The following NRXN1 variants were observed in gnomAD, a reference collection of about 807,000 sequenced individuals.
The protein encoded by NRXN1 is neurexin 1.
Under a neutral mutation model 150.9 loss-of-function variants are expected in NRXN1, and 39 were observed. The observed-to-expected ratio is 0.26, with a 90% CI of 0.20 to 0.34. NRXN1 has a LOEUF of 0.34. Among genes scored for constraint, NRXN1 ranks in the 10% least tolerant of loss-of-function variants. The probability of loss-of-function intolerance (pLI) is 1.00; values close to 1 mark genes in which losing one functional copy is unlikely to be tolerated. For missense variants in NRXN1, 1,815 were observed against 1,949.9 expected, an observed-to-expected ratio of 0.93 and a Z score of 1.30; for synonymous variants, 924 against 757.0, an observed-to-expected ratio of 1.22 and a Z score of -3.62.
intron 17 of NRXN1, among the ~76,000 whole-genome samples, chr2:50,275,744 T>C (rs1000744061): frequency 1.3e-5 from 2 of 152,142 alleles, no homozygotes; most frequent in African/African-American, 4.8e-5. Context: ...TAGGTAAATG[T>C]GGAAACTTTC....
chr2:50,613,641 T>C (rs1270613951), intron 8 of NRXN1, among the ~76,000 whole-genome samples: 2 of 152,108 alleles, frequency 1.3e-5, no homozygotes, highest in African/African-American at 4.8e-5. Flanking sequence ...AAATCTATCT[T>C]AAAATGATTC....
intron 5 of NRXN1, chr2:50,917,921 TA>T (rs1685449566): frequency 6.6e-6 from 1 of 151,642 alleles, no homozygotes; most frequent in Admixed American, 6.6e-5. Flanking sequence ...TCAAATCTAT[TA>T]TAAGAGTAAG....
chr2:50,528,545 G>T, intron 12 of NRXN1, 80 bp downstream of exon 12: 1 of 781,182 alleles, frequency 1.3e-6, no homozygotes, highest in Middle Eastern at 2.3e-4. Context: ...CATTTCTCTT[G>T]CTCTCTCTCT....
intron 5 of NRXN1, among the ~76,000 whole-genome samples, chr2:50,889,568 G>A (rs868822685): frequency 1.3e-5 from 2 of 151,802 alleles, no homozygotes; most frequent in African/African-American, 2.4e-5. Context: ...GTGGTATAAC[G>A]TGTACATTAT....
intron 8 of NRXN1, among the ~76,000 whole-genome samples, chr2:50,584,143 G>C (rs1382089818): frequency 6.6e-6 from 1 of 152,184 alleles, no homozygotes; most frequent in Non-Finnish European, 1.5e-5. Flanking sequence ...AGAGTGAAGA[G>C]GTTATGTCTT....
chr2:50,341,189 T>TA (rs1251014731), intron 17 of NRXN1, among the ~76,000 whole-genome samples: 2 of 152,178 alleles, frequency 1.3e-5, no homozygotes, highest in African/African-American at 4.8e-5. Context: ...TCACTTAAAT[T>TA]ATTTAGATCT....
intron 5 of NRXN1, among the ~76,000 whole-genome samples, chr2:50,756,009 A>C (rs1014146523): frequency 6.6e-6 from 1 of 151,828 alleles, no homozygotes; most frequent in African/African-American, 2.4e-5. Flanking sequence ...AGGGAACAGG[A>C]GTAGGATGGC....
intron 17 of NRXN1, among the ~76,000 whole-genome samples, chr2:50,416,134 A>T (rs1467418230): frequency 6.6e-6 from 1 of 152,106 alleles, no homozygotes; most frequent in South Asian, 2.1e-4. Flanking sequence ...GATGGGCAAT[A>T]AACAGAATAA....
intron 21 of NRXN1, chr2:50,019,331 G>T: frequency 4.2e-6 from 2 of 471,086 alleles, no homozygotes; most frequent in South Asian, 1.5e-5. Flanking sequence ...TGGTATCCTC[G>T]CTTGGAAATT....
At chr2:50,308,929 G>A (rs1443726130) in intron 17 of NRXN1, among the ~76,000 whole-genome samples, 3 of 152,102 alleles carry the variant, frequency 2.0e-5, no homozygotes, top group Non-Finnish European at 2.9e-5. Context: ...GTTGATAATC[G>A]TTAAGGTTTT....
chr2:50,472,786 C>G (rs2089631857), intron 15 of NRXN1, among the ~76,000 whole-genome samples: 1 of 135,900 alleles, frequency 7.4e-6, no homozygotes, highest in South Asian at 2.5e-4. Flanking sequence ...ATTTGCAAGC[C>G]CTACAGCCTT....
intron 5 of NRXN1, among the ~76,000 whole-genome samples, chr2:50,763,662 T>C (rs899876967): frequency 9.9e-5 from 15 of 151,896 alleles, no homozygotes; most frequent in Admixed American, 2.6e-4. Flanking sequence ...CATCAAAAGA[T>C]TCCTCTTTCT....
chr2:50,442,532 G>C (rs999941192), intron 17 of NRXN1, among the ~76,000 whole-genome samples: 1 of 152,058 alleles, frequency 6.6e-6, no homozygotes, highest in Non-Finnish European at 1.5e-5. Flanking sequence ...AGAGTGAGGA[G>C]GGAAGTACCA....
At chr2:50,683,366 C>A (rs939727505) in intron 5 of NRXN1, among the ~76,000 whole-genome samples, 1 of 151,246 alleles carries the variant, frequency 6.6e-6, no homozygotes, top group African/African-American at 2.4e-5. Flanking sequence ...GGCGCAGTGG[C>A]TTAAGCCTGT....
intron 2 of NRXN1, among the ~76,000 whole-genome samples, chr2:51,007,793 A>T (rs994363910): frequency 7.2e-5 from 11 of 151,926 alleles, no homozygotes; most frequent in Non-Finnish European, 1.6e-4. Context: ...GACAACAGCA[A>T]ATAATTATCT....
At chr2:50,502,478 A>G (rs1165775294) in intron 13 of NRXN1, among the ~76,000 whole-genome samples, 1 of 152,030 alleles carries the variant, frequency 6.6e-6, no homozygotes, top group Non-Finnish European at 1.5e-5. Context: ...ACACTCAGAC[A>G]CACAAACACA....
chr2:50,149,923 T>C (rs2058598178), intron 18 of NRXN1, among the ~76,000 whole-genome samples: 1 of 151,736 alleles, frequency 6.6e-6, no homozygotes, highest in African/African-American at 2.4e-5. Context: ...ACTGCCTGTA[T>C]GTAGCCATAT....
intron 18 of NRXN1, among the ~76,000 whole-genome samples, chr2:50,110,279 A>C (rs1011927018): frequency 2.6e-5 from 4 of 152,066 alleles, no homozygotes; most frequent in African/African-American, 9.7e-5. Context: ...TCACGAGGTC[A>C]GGAAATCGAG....
Position 50,336,419 on chromosome 2 carries a change from T to C in NRXN1, c.3365-99449A>G, listed in dbSNP as rs1034580666. 4.6e-5 allele frequency among the ~76,000 whole-genome samples: 7 copies of C among 152,350 alleles called. No individual in the cohort carries two copies. In the South Asian group the frequency reaches 8.3e-4, roughly 18 times the overall value. ...AAACGACACAATTTGATTTTTAAAA[T>C]CTTCAAGGCTTCATAATTAAGAGAC... is the stretch of plus-strand genomic sequence containing the variant. On this transcript the variant is annotated intron_variant, in intron 17 of 22. Coordinates refer to ENST00000401669, the MANE Select transcript of NRXN1 (RefSeq NM_001330078.2).
Sources: gnomAD v4.1 joint callset for allele counts (sites outside exome capture counted in the v4.1 genomes callset) on GRCh38, gnomAD v4.1.1 for gene constraint, MANE v1.5 for transcripts, NCBI Gene and HGNC (gene_info 2026-07-23, HGNC 2026-07-21) for gene names.